MRPS28: variants seen among roughly 807,000 people sequenced by gnomAD.
The protein encoded by MRPS28 is small ribosomal subunit protein bS1m.
MRPS28 carries 7 observed loss-of-function variants against 10.8 expected under a neutral mutation model. The ratio of observed to expected loss-of-function variants is 0.65; its 90% CI spans 0.37 to 1.22. MRPS28 has a LOEUF of 1.22. Ranked by LOEUF, MRPS28 falls within the 50% of genes most tolerant of loss-of-function variation. The probability of loss-of-function intolerance (pLI) is 0.02; values close to 1 mark genes in which losing one functional copy is unlikely to be tolerated. For missense variants in MRPS28, 265 were observed against 232.9 expected (o/e 1.14, Z -0.90); for synonymous variants, 121 against 93.3 (o/e 1.30, Z -1.71).
chr8:79,926,755 A>G (rs952840353), intron 2 of MRPS28, among the ~76,000 whole-genome samples: 7 of 152,222 alleles, frequency 4.6e-5, no homozygotes, highest in Non-Finnish European at 8.8e-5. Flanking sequence ...CAGACTTGGT[A>G]TATCTGTGGG....
chr8:79,973,595 G>C (rs1424774284), intron 2 of MRPS28, among the ~76,000 whole-genome samples: 2 of 152,146 alleles, frequency 1.3e-5, no homozygotes, highest in African/African-American at 4.8e-5. Flanking sequence ...TACAACTACA[G>C]GCCTGCAACA....
At chr8:80,025,298 A>G (rs1809467473) in intron 1 of MRPS28, among the ~76,000 whole-genome samples, 1 of 152,178 alleles carries the variant, frequency 6.6e-6, no homozygotes, top group African/African-American at 2.4e-5. Context: ...TAATTGTCGA[A>G]TATCAAGAAA....
At chr8:79,921,412 C>T (rs2129842891) in intron 2 of MRPS28, among the ~76,000 whole-genome samples, 1 of 152,008 alleles carries the variant, frequency 6.6e-6, no homozygotes, top group East Asian at 1.9e-4. Flanking sequence ...TTGATTCTTC[C>T]TACCCATGAG....
chr8:79,961,521 C>T (rs1807370149), intron 2 of MRPS28, among the ~76,000 whole-genome samples: 1 of 152,082 alleles, frequency 6.6e-6, no homozygotes, highest in Admixed American at 6.6e-5. Context: ...ACTTACAACT[C>T]CTATTACTTT....
At chr8:79,919,780 T>C (rs1023552589) in intron 2 of MRPS28, among the ~76,000 whole-genome samples, 1 of 152,200 alleles carries the variant, frequency 6.6e-6, no homozygotes, top group African/African-American at 2.4e-5. Context: ...TCAGATACAT[T>C]TTCCTTCTAA....
chr8:79,989,352 A>G (rs927996353), intron 2 of MRPS28, among the ~76,000 whole-genome samples: 1 of 152,232 alleles, frequency 6.6e-6, no homozygotes, highest in Non-Finnish European at 1.5e-5. Context: ...TATACGGTTT[A>G]AACTAAGGTA....
chr8:79,956,364 TATTATA>T (rs1488495892), intron 2 of MRPS28: 1 of 152,208 alleles, frequency 6.6e-6, no homozygotes, highest in Admixed American at 6.5e-5. Flanking sequence ...TCTTATACTT[TATTATA>T]ATTATAAAAC....
At chr8:79,988,733 T>G (rs1003717126) in intron 2 of MRPS28, among the ~76,000 whole-genome samples, 1 of 152,226 alleles carries the variant, frequency 6.6e-6, no homozygotes. Context: ...TGAACAATTC[T>G]GTTCATCAGA....
intron 2 of MRPS28, among the ~76,000 whole-genome samples, chr8:79,923,573 G>T (rs1455361619): frequency 6.6e-6 from 1 of 152,092 alleles, no homozygotes; most frequent in Non-Finnish European, 1.5e-5. Context: ...CCCCCAGGCA[G>T]CAGTTTTTCA....
intron 2 of MRPS28, among the ~76,000 whole-genome samples, chr8:79,919,884 G>C (rs1299627033): frequency 5.3e-5 from 8 of 151,802 alleles, no homozygotes; most frequent in Non-Finnish European, 1.2e-4. Context: ...TGCCATGTTG[G>C]TGTGCTGCAC....
chr8:80,015,117 A>T (rs1281341429), intron 1 of MRPS28, among the ~76,000 whole-genome samples: 2 of 151,960 alleles, frequency 1.3e-5, no homozygotes, highest in African/African-American at 4.8e-5. Flanking sequence ...GTTATTGGGG[A>T]CTCTCACACT....
At chr8:79,941,591 CTCAA>C (rs1325107462) in intron 2 of MRPS28, among the ~76,000 whole-genome samples, 2 of 152,210 alleles carry the variant, frequency 1.3e-5, no homozygotes, top group Non-Finnish European at 2.9e-5. Flanking sequence ...CCTAGTCCTT[CTCAA>C]TCAACATGCT....
rs568129266 is a variant in MRPS28 at position 79,961,955 on chromosome 8, TAGA to T, written c.395+41041_395+41043del. Among the ~76,000 whole-genome samples, 935 of 152,278 alleles carry T rather than the reference TAGA, an allele frequency of 6.1e-3. 6 individuals are homozygous for T. The highest frequency in any genetic ancestry group is 0.01 in the Admixed American group (158 of 15,276). ...TTTTTATTCCACATACTGTTCCATG[TAGA>T]AGATGTCAAGTTTACTTAGGAACAT... On this transcript the variant is annotated intron_variant, in intron 2 of 2. Transcript: ENST00000276585.
chr8:80,029,902 C>G (rs930653115), intron 1 of MRPS28, 134 bp downstream of exon 1: 1 of 1,536,070 alleles, frequency 6.5e-7, no homozygotes, highest in East Asian at 2.4e-5. Context: ...AGCCACAACG[C>G]ACCGCAACTC....
chr8:79,978,041 A>G (rs1330629558), intron 2 of MRPS28, among the ~76,000 whole-genome samples: 5 of 152,202 alleles, frequency 3.3e-5, no homozygotes, highest in African/African-American at 1.2e-4. Flanking sequence ...GACAGATCAC[A>G]TCATAATGTA....
chr8:79,922,888 G>A (rs1423548169), intron 2 of MRPS28, among the ~76,000 whole-genome samples: 1 of 151,760 alleles, frequency 6.6e-6, no homozygotes, highest in Non-Finnish European at 1.5e-5. Flanking sequence ...AGAAAATGAA[G>A]AAACAAAGTT....
At chr8:79,967,421 G>C (rs1295287182) in intron 2 of MRPS28, among the ~76,000 whole-genome samples, 1 of 152,146 alleles carries the variant, frequency 6.6e-6, no homozygotes, top group Admixed American at 6.6e-5. Context: ...CCCAATTCCA[G>C]GGGACTTGGA....
intron 1 of MRPS28, among the ~76,000 whole-genome samples, chr8:80,016,700 G>T (rs1221550454): frequency 6.6e-6 from 1 of 152,162 alleles, no homozygotes; most frequent in Non-Finnish European, 1.5e-5. Flanking sequence ...ACAATTAACA[G>T]TTTGTTCATG....
chr8:79,964,580 T>C (rs1807456530), intron 2 of MRPS28, among the ~76,000 whole-genome samples: 2 of 152,136 alleles, frequency 1.3e-5, no homozygotes, highest in South Asian at 2.1e-4. Flanking sequence ...CACCAATTAC[T>C]AGCTGTATGA....
Sources: allele counts gnomAD v4.1 joint callset (sites outside exome capture counted in the v4.1 genomes callset), GRCh38; gene constraint gnomAD v4.1.1; transcripts MANE v1.5; gene names NCBI Gene and HGNC (gene_info 2026-07-23, HGNC 2026-07-21).